The following UNC5C variants were observed in gnomAD, a reference collection of about 807,000 sequenced individuals.
The protein encoded by UNC5C is netrin receptor UNC5C.
Under a neutral mutation model 99.8 loss-of-function variants are expected in UNC5C, and 47 were observed. The observed-to-expected ratio is 0.47, with a 90% CI of 0.37 to 0.60. The LOEUF (loss-of-function observed/expected upper bound fraction) is 0.60. UNC5C is among the 20% of genes least tolerant of loss of function. The pLI, the probability that UNC5C is intolerant of heterozygous loss-of-function variation, is 0.00. For synonymous variants in UNC5C, 487 were observed against 452.2 expected (o/e 1.08, Z -0.98); for missense variants, 1,062 against 1,165.9 (o/e 0.91, Z 1.30).
At chr4:95,433,274 T>C (rs145068322) in intron 1 of UNC5C, among the ~76,000 whole-genome samples, 202 of 152,260 alleles carry the variant, frequency 1.3e-3, no homozygotes, top group African/African-American at 4.5e-3. Flanking sequence ...ATATGCTTAT[T>C]ATTTTAAAAT....
intron 3 of UNC5C, among the ~76,000 whole-genome samples, chr4:95,283,159 TG>T (rs1741121282): frequency 6.6e-6 from 1 of 152,154 alleles, no homozygotes; most frequent in African/African-American, 2.4e-5. Flanking sequence ...TAGAATATGG[TG>T]CAATTTTTGG....
At chr4:95,237,367 G>A (rs957633812) in intron 7 of UNC5C, among the ~76,000 whole-genome samples, 1 of 152,044 alleles carries the variant, frequency 6.6e-6, no homozygotes, top group Non-Finnish European at 1.5e-5. Flanking sequence ...ATTCCCATTA[G>A]CAAAGTACAA....
intron 4 of UNC5C, among the ~76,000 whole-genome samples, chr4:95,274,183 C>A (rs1169412781): frequency 6.6e-6 from 1 of 152,054 alleles, no homozygotes; most frequent in Non-Finnish European, 1.5e-5. Flanking sequence ...CATGTGGGGG[C>A]TGCAATTTAG....
intron 1 of UNC5C, among the ~76,000 whole-genome samples, chr4:95,396,477 T>G (rs1745513609): frequency 6.6e-6 from 1 of 152,142 alleles, no homozygotes; most frequent in Non-Finnish European, 1.5e-5. Context: ...TTGATGATGA[T>G]GATAGCAGCA....
At chr4:95,398,761 G>A (rs1745600057) in intron 1 of UNC5C, among the ~76,000 whole-genome samples, 1 of 152,158 alleles carries the variant, frequency 6.6e-6, no homozygotes, top group South Asian at 2.1e-4. Flanking sequence ...TGCCTTCTCA[G>A]TGGGATGGTT....
intron 12 of UNC5C, among the ~76,000 whole-genome samples, chr4:95,187,571 T>TAAC (rs780507789): frequency 4.0e-5 from 6 of 151,152 alleles, no homozygotes; most frequent in Non-Finnish European, 7.3e-5. Flanking sequence ...TCAGGAAATC[T>TAAC]AACACGGCAT....
intron 1 of UNC5C, among the ~76,000 whole-genome samples, chr4:95,519,536 T>TA (rs35238314): frequency 0.022 from 3,178 of 144,454 alleles, 48 homozygotes; most frequent in East Asian, 0.054. Flanking sequence ...TTAGCACATT[T>TA]AAAAAAAAAA....
intron 4 of UNC5C, among the ~76,000 whole-genome samples, chr4:95,272,939 A>G (rs955128583): frequency 1.3e-5 from 2 of 152,252 alleles, no homozygotes; most frequent in African/African-American, 2.4e-5. Context: ...CTCATGAAAC[A>G]AAGTGTTCAG....
intron 1 of UNC5C, among the ~76,000 whole-genome samples, chr4:95,392,342 A>G (rs1160320958): frequency 1.3e-5 from 2 of 152,066 alleles, no homozygotes; most frequent in African/African-American, 4.8e-5. Flanking sequence ...TCTAGTTAAA[A>G]TGCTTACTCA....
At chr4:95,350,491 A>C (rs933702725) in intron 1 of UNC5C, among the ~76,000 whole-genome samples, 3 of 152,066 alleles carry the variant, frequency 2.0e-5, no homozygotes, top group Non-Finnish European at 4.4e-5. Context: ...GTCTCAAAAA[A>C]AAAAAAGTTC....
intron 1 of UNC5C, among the ~76,000 whole-genome samples, chr4:95,454,635 G>C (rs1747379016): frequency 6.6e-6 from 1 of 152,056 alleles, no homozygotes; most frequent in Non-Finnish European, 1.5e-5. Flanking sequence ...GGGATTTGTG[G>C]AGGAGGGGAA....
At chr4:95,194,123 A>G (rs1737277244) in intron 12 of UNC5C, among the ~76,000 whole-genome samples, 1 of 151,798 alleles carries the variant, frequency 6.6e-6, no homozygotes, top group Non-Finnish European at 1.5e-5. Context: ...TCCAGCCTGC[A>G]CAGTCAGGGC....
chr4:95,548,665 G>T, intron 1 of UNC5C, 69 bp downstream of exon 1: 1 of 1,554,888 alleles, frequency 6.4e-7, no homozygotes, highest in South Asian at 1.2e-5. Context: ...GAGAACTGGG[G>T]AGGAGGAGAG....
intron 1 of UNC5C, among the ~76,000 whole-genome samples, chr4:95,445,970 A>T (rs551220589): frequency 6.7e-6 from 1 of 149,966 alleles, no homozygotes; most frequent in South Asian, 2.1e-4. Flanking sequence ...CTGCAAAAAA[A>T]ACAAAACAAA....
chr4:95,275,282 A>C (rs1398663123), intron 4 of UNC5C, among the ~76,000 whole-genome samples: 1 of 152,134 alleles, frequency 6.6e-6, no homozygotes, highest in Non-Finnish European at 1.5e-5. Context: ...GGGGCAAGGT[A>C]CTCAGTAAGA....
At chr4:95,530,639 T>C (rs1170896775) in intron 1 of UNC5C, among the ~76,000 whole-genome samples, 1 of 152,148 alleles carries the variant, frequency 6.6e-6, no homozygotes, top group Non-Finnish European at 1.5e-5. Flanking sequence ...CAACGCTAAG[T>C]GCATTTCTAA....
rs531501121 is a variant in UNC5C, at chr4:95,338,879, G to A, written c.125-3248C>T. On this transcript the variant is annotated intron_variant, in intron 1 of 15. Coordinates refer to ENST00000453304, the MANE Select transcript of UNC5C (RefSeq NM_003728.4). ...ACTGGCTACAAAATTTGTGTGGCCC[G>A]GTGTAGAATGAAAGTTCAAGATCCC... is the stretch of plus-strand genomic sequence containing the variant. 3.3e-5 allele frequency among the ~76,000 whole-genome samples: 5 copies of A among 152,024 alleles called. No individual in the cohort carries two copies. In the South Asian group the frequency reaches 8.3e-4, roughly 25 times the overall value.
chr4:95,442,499 A>G (rs1746979282), intron 1 of UNC5C, among the ~76,000 whole-genome samples: 1 of 149,938 alleles, frequency 6.7e-6, no homozygotes, highest in South Asian at 2.1e-4. Context: ...TGACCCATCA[A>G]GCCCGCCTGT....
At chr4:95,423,994 C>T (rs1481109919) in intron 1 of UNC5C, among the ~76,000 whole-genome samples, 2 of 152,114 alleles carry the variant, frequency 1.3e-5, no homozygotes, top group African/African-American at 4.8e-5. Flanking sequence ...AACTATATAA[C>T]AAAATTGATC....
Sources: gnomAD v4.1 joint callset for allele counts (sites outside exome capture counted in the v4.1 genomes callset) on GRCh38, gnomAD v4.1.1 for gene constraint, MANE v1.5 for transcripts, NCBI Gene and HGNC (gene_info 2026-07-23, HGNC 2026-07-21) for gene names.